The following PARD3B variants were observed in gnomAD, a reference collection of about 807,000 sequenced individuals.
The protein encoded by PARD3B is par-3 family cell polarity regulator beta.
Under a neutral mutation model 130.2 loss-of-function variants are expected in PARD3B, and 103 were observed. The observed-to-expected ratio is 0.79, with a 90% CI of 0.67 to 0.93. PARD3B has a LOEUF of 0.93. Ranked by LOEUF, PARD3B falls within the 40% of genes least tolerant of loss-of-function variation. The pLI is 0.00. For synonymous variants in PARD3B, 583 were observed against 553.2 expected (o/e 1.05, Z -0.76); for missense variants, 1,609 against 1,499.2 (o/e 1.07, Z -1.21).
chr2:205,076,455 G>T (rs1414018952), intron 4 of PARD3B, among the ~76,000 whole-genome samples: 3 of 152,032 alleles, frequency 2.0e-5, no homozygotes, highest in African/African-American at 4.8e-5. Flanking sequence ...CATACTTCAG[G>T]TTCAATGTAT....
chr2:204,789,112 A>G (rs2042113388), intron 2 of PARD3B, among the ~76,000 whole-genome samples: 1 of 152,150 alleles, frequency 6.6e-6, no homozygotes, highest in Non-Finnish European at 1.5e-5. Flanking sequence ...GCTGGAGTGA[A>G]GTGGTGCAAT....
At chr2:204,985,067 A>T (rs10199001) in intron 3 of PARD3B, among the ~76,000 whole-genome samples, 4,103 of 152,174 alleles carry the variant, frequency 0.027, 77 homozygotes, top group Middle Eastern at 0.044. Flanking sequence ...CAATGGTAAT[A>T]TTGTAGGCTA....
chr2:204,983,893 G>C (rs186925853), intron 3 of PARD3B, among the ~76,000 whole-genome samples: 2 of 151,928 alleles, frequency 1.3e-5, no homozygotes, highest in Non-Finnish European at 1.5e-5. Context: ...TTGGGTCTTC[G>C]TTTCCTTATG....
rs1322919810 is a variant in PARD3B, at chr2:205,113,495, A to C, written c.598A>C (p.Met200Leu). 1 of 1,611,780 alleles carries C rather than the reference A, an allele frequency of 6.2e-7. No homozygotes were observed. Among genetic ancestry groups the C allele is most frequent in the Non-Finnish European group, 8.5e-7 (1 of 1,178,934 alleles). ...TCTTGTTTTTTTCTGCCCCAGTGAT[A>C]TGACAAGAACAGTGGAGATTTCTGG... ...SPRTKDTLSD[M>L]TRTVEISGEG... is the part of the protein sequence containing the mutation. Residue 200 changes from methionine (M) to leucine (L), a missense_variant, in exon 6 of 23, where the codon ATG becomes CTG. By Grantham distance (15) the Met-to-Leu change is conservative. Coordinates refer to ENST00000406610, the MANE Select transcript of PARD3B (RefSeq NM_001302769.2).
Position 205,463,317 on chromosome 2 carries a change from G to T in PARD3B, c.3044+22645G>T, listed in dbSNP as rs141980181. ...GGAACTCAGCTGAGGTGAGGAACAC[G>T]TCCACGAGTTTCCCCTGTGGGCATC... On this transcript the variant is annotated intron_variant, in intron 20 of 22. Coordinates refer to ENST00000406610, the MANE Select transcript of PARD3B (RefSeq NM_001302769.2). This position sits in a 1 kb window ranked among gnomAD's most constrained non-coding sequence, Gnocchi z 4.8. 5.1e-4 allele frequency among the ~76,000 whole-genome samples: 78 copies of T among 152,114 alleles called. No individual in the cohort carries two copies. The highest frequency in any genetic ancestry group is 3.4e-3 in the Middle Eastern group (1 of 294).
intron 1 of PARD3B, among the ~76,000 whole-genome samples, chr2:204,573,860 AG>A (rs1456341018): frequency 6.6e-6 from 1 of 152,154 alleles, no homozygotes; most frequent in African/African-American, 2.4e-5. Context: ...GCTCATCCCC[AG>A]GCCCTTTCAG....
In PARD3B at chr2:204,757,160, C is replaced by T. The variant is rs116301719; in HGVS notation, c.222+70878C>T. Among the ~76,000 whole-genome samples the T allele has an allele frequency of 8.3e-3, 1,266 of 152,220 alleles. 11 individuals are homozygous for T. The highest frequency in any genetic ancestry group is 0.028 in the African/African-American group (1,146 of 41,534). On this transcript the variant is annotated intron_variant, in intron 2 of 22. Coordinates refer to ENST00000406610, the MANE Select transcript of PARD3B (RefSeq NM_001302769.2). The stretch of plus-strand genomic sequence containing the variant: ...ACCACATTTTCTTTATCCAGTCCAC[C>T]GTTTATGGGCACCTGGGTTGATTCT...
intron 20 of PARD3B, among the ~76,000 whole-genome samples, chr2:205,452,720 T>C (rs2048146005): frequency 6.6e-6 from 1 of 152,270 alleles, no homozygotes; most frequent in South Asian, 2.1e-4. Context: ...AGCCCTACCC[T>C]TGGGACTATA....
At chr2:205,551,968 T>A (rs2052665225) in intron 21 of PARD3B, among the ~76,000 whole-genome samples, 1 of 152,224 alleles carries the variant, frequency 6.6e-6, no homozygotes, top group Non-Finnish European at 1.5e-5. Flanking sequence ...GTGGTCCATG[T>A]GATACCAAGT....
At chr2:204,888,178 A>G (rs545402620) in intron 2 of PARD3B, among the ~76,000 whole-genome samples, 51 of 152,190 alleles carry the variant, frequency 3.4e-4, no homozygotes, top group Non-Finnish European at 5.7e-4. Flanking sequence ...CTAGAAATCT[A>G]TGTGGAAATA....
intron 18 of PARD3B, among the ~76,000 whole-genome samples, chr2:205,368,821 A>T (rs1298447399): frequency 6.6e-6 from 1 of 151,314 alleles, no homozygotes; most frequent in African/African-American, 2.4e-5. Flanking sequence ...TGTAACACAA[A>T]TTATCTACCT....
At chr2:204,641,026 TTACTA>T (rs1240144815) in intron 1 of PARD3B, among the ~76,000 whole-genome samples, 1 of 147,968 alleles carries the variant, frequency 6.8e-6, no homozygotes, top group Non-Finnish European at 1.5e-5. Flanking sequence ...ATGTATATAT[TTACTA>T]TATTATATGT....
chr2:205,006,367 G>C (rs1408360535), intron 3 of PARD3B, among the ~76,000 whole-genome samples: 2 of 152,038 alleles, frequency 1.3e-5, no homozygotes, highest in Admixed American at 6.6e-5. Flanking sequence ...ATCTACTTTT[G>C]TATCCTTAAG....
At chr2:205,115,649 G>C (rs1201100495) in intron 6 of PARD3B, among the ~76,000 whole-genome samples, 2 of 152,104 alleles carry the variant, frequency 1.3e-5, no homozygotes, top group Non-Finnish European at 2.9e-5. Context: ...GTGGAGACAT[G>C]AGCCAATAAA....
Position 205,440,781 on chromosome 2 carries a change from C to T in PARD3B, c.3044+109C>T, listed in dbSNP as rs2047688652. On this transcript the variant is annotated intron_variant, in intron 20 of 22. Coordinates refer to ENST00000406610, the MANE Select transcript of PARD3B (RefSeq NM_001302769.2). This position sits in a 1 kb window ranked among gnomAD's most constrained non-coding sequence, Gnocchi z 4.2. ...CTCCTTCAATCAATTAAAACTGAAA[C>T]GAGTCAGTACCCTAGACAAGTGCCA... 14 of 1,147,256 alleles carry T rather than the reference C, an allele frequency of 1.2e-5. No homozygotes were observed. The highest frequency in any genetic ancestry group is 4.7e-5 in the South Asian group (3 of 63,464). The allele number at this position is 1,147,256 out of a possible 1,614,324, so 71.1% of individuals were successfully genotyped here.
chr2:204,576,702 T>C (rs2032279342), intron 1 of PARD3B, among the ~76,000 whole-genome samples: 1 of 152,154 alleles, frequency 6.6e-6, no homozygotes, highest in African/African-American at 2.4e-5. Flanking sequence ...AATAAACATG[T>C]CTAGTTTCTA....
At chr2:204,627,438 A>G (rs975002517) in intron 1 of PARD3B, among the ~76,000 whole-genome samples, 51 of 152,322 alleles carry the variant, frequency 3.3e-4, no homozygotes, top group African/African-American at 1.2e-3. Context: ...AGATTTGAAA[A>G]AACTGTACAA....
chr2:205,057,615 A>G (rs1457216885), intron 4 of PARD3B, among the ~76,000 whole-genome samples: 6 of 147,182 alleles, frequency 4.1e-5, no homozygotes, highest in African/African-American at 1.5e-4. Context: ...GTGTATGTGT[A>G]TGTGTATACG....
At chr2:204,835,425 C>T (rs1015829596) in intron 2 of PARD3B, among the ~76,000 whole-genome samples, 3 of 152,110 alleles carry the variant, frequency 2.0e-5, no homozygotes, top group Non-Finnish European at 4.4e-5. Context: ...CGTTCCATTT[C>T]TTGTTCCATT....
Sources: allele counts gnomAD v4.1 joint callset (sites outside exome capture counted in the v4.1 genomes callset), GRCh38; gene constraint gnomAD v4.1.1; non-coding constraint Gnocchi (gnomAD v3.1); transcripts MANE v1.5; gene names NCBI Gene and HGNC (gene_info 2026-07-23, HGNC 2026-07-21).